CAB39L: variants seen among roughly 807,000 people sequenced by gnomAD.
CAB39L encodes calcium-binding protein 39-like.
Under a neutral mutation model 39.1 loss-of-function variants are expected in CAB39L, and 23 were observed. That is an observed-to-expected ratio of 0.59 (90% confidence interval 0.42 to 0.83). CAB39L has a LOEUF of 0.83. Ranked by LOEUF, CAB39L falls within the 40% of genes least tolerant of loss-of-function variation. The pLI is 0.00. For missense variants in CAB39L, 366 were observed against 391.9 expected, an observed-to-expected ratio of 0.93 and a Z score of 0.56; for synonymous variants, 126 against 137.2, an observed-to-expected ratio of 0.92 and a Z score of 0.57.
chr13:49,372,179 TC>T (rs1955936105), intron 5 of CAB39L, among the ~76,000 whole-genome samples: 1 of 152,188 alleles, frequency 6.6e-6, no homozygotes, highest in Non-Finnish European at 1.5e-5. Flanking sequence ...CTGAGTTTGA[TC>T]CTGAGCCCAT....
chr13:49,391,288 T>C (rs1157638186), intron 3 of CAB39L, among the ~76,000 whole-genome samples: 1 of 152,076 alleles, frequency 6.6e-6, no homozygotes, highest in Non-Finnish European at 1.5e-5. Flanking sequence ...AAACTAAAAT[T>C]ACCTAAGGAC....
chr13:49,384,590 ATTTCT>A (rs771567578), intron 3 of CAB39L, among the ~76,000 whole-genome samples: 18 of 152,088 alleles, frequency 1.2e-4, no homozygotes, highest in Non-Finnish European at 1.9e-4. Flanking sequence ...TATGAAATGT[ATTTCT>A]TTTGTTTGTT....
At chr13:49,404,686 T>C (rs904672646) in intron 3 of CAB39L, among the ~76,000 whole-genome samples, 1 of 152,028 alleles carries the variant, frequency 6.6e-6, no homozygotes, top group Non-Finnish European at 1.5e-5. Flanking sequence ...TCCAGGATAA[T>C]ACATAGAAGG....
intron 3 of CAB39L, among the ~76,000 whole-genome samples, chr13:49,386,271 G>A (rs1007498138): frequency 1.3e-5 from 2 of 152,008 alleles, no homozygotes; most frequent in Non-Finnish European, 2.9e-5. Context: ...ACGTTTTCAG[G>A]GTTTCCATGT....
At chr13:49,311,026 C>A in intron 10 of CAB39L, 33 bp from the exon 11 acceptor site, 1 of 1,600,104 alleles carries the variant, frequency 6.2e-7, no homozygotes, top group East Asian at 2.2e-5. Flanking sequence ...CTTAGGAGTG[C>A]AAGCCAGGGA....
chr13:49,377,890 T>G, intron 4 of CAB39L, among the ~76,000 whole-genome samples: 1 of 58,788 alleles, frequency 1.7e-5, no homozygotes, highest in Admixed American at 1.5e-4. Context: ...CCGGCCGCCA[T>G]CCCATCTAGG....
At chr13:49,312,209 T>C (rs568072104) in intron 10 of CAB39L, among the ~76,000 whole-genome samples, 2 of 152,210 alleles carry the variant, frequency 1.3e-5, no homozygotes, top group East Asian at 1.9e-4. Context: ...GGTTAACTTA[T>C]TATTAAAACA....
At chr13:49,440,532 A>G (rs927539316) in intron 1 of CAB39L, among the ~76,000 whole-genome samples, 7 of 151,842 alleles carry the variant, frequency 4.6e-5, no homozygotes, top group Admixed American at 3.3e-4. Context: ...CAAGCTACAC[A>G]TTCAGTAGCA....
intron 6 of CAB39L, among the ~76,000 whole-genome samples, chr13:49,357,539 T>C (rs1955520780): frequency 6.6e-6 from 1 of 152,246 alleles, no homozygotes; most frequent in South Asian, 2.1e-4. Flanking sequence ...TGATTTCGTT[T>C]GGAGAGATTA....
At chr13:49,409,412 A>G (rs1277898997) in intron 3 of CAB39L, among the ~76,000 whole-genome samples, 1 of 151,776 alleles carries the variant, frequency 6.6e-6, no homozygotes, top group Non-Finnish European at 1.5e-5. Context: ...CTAGAAGGAC[A>G]GCTTGAAGGG....
chr13:49,433,929 C>A (rs1331247810), intron 2 of CAB39L, among the ~76,000 whole-genome samples, 157 bp downstream of exon 2: 1 of 152,128 alleles, frequency 6.6e-6, no homozygotes, highest in African/African-American at 2.4e-5. Context: ...ATCATGAAAA[C>A]CCATGCCTGC....
intron 5 of CAB39L, among the ~76,000 whole-genome samples, chr13:49,368,120 T>A (rs184073440): frequency 1.3e-5 from 2 of 152,328 alleles, no homozygotes; most frequent in Admixed American, 1.3e-4. Flanking sequence ...CTCTTTGAAA[T>A]GTCATAGGAA....
intron 5 of CAB39L, among the ~76,000 whole-genome samples, chr13:49,370,710 T>G (rs1184197043): frequency 6.6e-6 from 1 of 152,198 alleles, no homozygotes; most frequent in Non-Finnish European, 1.5e-5. Context: ...GCAGATTACA[T>G]TCCTTAAAAT....
intron 3 of CAB39L, among the ~76,000 whole-genome samples, chr13:49,431,432 C>A (rs576467189): frequency 4.6e-5 from 7 of 152,030 alleles, no homozygotes; most frequent in East Asian, 3.9e-4. Context: ...AAAGGCTGGG[C>A]GTGGTGGCTC....
At chr13:49,320,374 T>TAACA (rs886673068) in intron 10 of CAB39L, among the ~76,000 whole-genome samples, 1 of 152,190 alleles carries the variant, frequency 6.6e-6, no homozygotes, top group African/African-American at 2.4e-5. Context: ...TCAGTTTACA[T>TAACA]AACATGCCTG....
intron 3 of CAB39L, among the ~76,000 whole-genome samples, chr13:49,423,049 G>A (rs182628851): frequency 6.6e-6 from 1 of 152,266 alleles, no homozygotes; most frequent in East Asian, 1.9e-4. Flanking sequence ...CAGACCTAAT[G>A]CAGAAATGTG....
intron 3 of CAB39L, among the ~76,000 whole-genome samples, chr13:49,429,525 T>A (rs545344991): frequency 6.6e-6 from 1 of 152,356 alleles, no homozygotes; most frequent in African/African-American, 2.4e-5. Context: ...TATTTTTCCC[T>A]CCTTACTTAG....
chr13:49,383,037 C>T (rs529801327), intron 3 of CAB39L, 96 bp from the exon 4 acceptor site: 83 of 532,492 alleles, frequency 1.6e-4, no homozygotes, highest in Non-Finnish European at 2.4e-4. Flanking sequence ...AACATGAATT[C>T]AGTAATCTGA....
At chr13:49,383,091 C>T in intron 3 of CAB39L, 150 bp from the exon 4 acceptor site, 5 of 379,596 alleles carry the variant, frequency 1.3e-5, no homozygotes, top group South Asian at 5.7e-5. Flanking sequence ...AAGTTTTATG[C>T]CAAATTTAAA....
Sources: gnomAD v4.1 joint callset for allele counts (sites outside exome capture counted in the v4.1 genomes callset) on GRCh38, gnomAD v4.1.1 for gene constraint, MANE v1.5 for transcripts, NCBI Gene and HGNC (gene_info 2026-07-23, HGNC 2026-07-21) for gene names.